Variants in HDAC9 observed in about 807,000 individuals in gnomAD.
HDAC9 encodes histone deacetylase 9.
Under a neutral mutation model 139.4 loss-of-function variants are expected in HDAC9, and 41 were observed. That is an observed-to-expected ratio of 0.29 (90% CI 0.23 to 0.38). The LOEUF (loss-of-function observed/expected upper bound fraction) is 0.38, where lower values mean the gene tolerates loss of function less well. HDAC9 is among the 10% of genes least tolerant of loss of function. The probability of loss-of-function intolerance (pLI) is 1.00; values close to 1 mark genes in which losing one functional copy is unlikely to be tolerated. For synonymous variants in HDAC9, 517 were observed against 476.2 expected, an observed-to-expected ratio of 1.09 and a Z score of -1.12; for missense variants, 1,147 against 1,297.0, an observed-to-expected ratio of 0.88 and a Z score of 1.78.
intron 2 of HDAC9, among the ~76,000 whole-genome samples, chr7:18,522,045 A>G (rs1805221280): frequency 6.6e-6 from 1 of 152,200 alleles, no homozygotes; most frequent in Non-Finnish European, 1.5e-5. Context: ...TAACAACTAC[A>G]TATATACAGA....
At chr7:18,781,861 T>G (rs1457162786) in intron 16 of HDAC9, among the ~76,000 whole-genome samples, 1 of 152,106 alleles carries the variant, frequency 6.6e-6, no homozygotes, top group African/African-American at 2.4e-5. Context: ...CAAATCAAGA[T>G]GCTGTTTGCA....
chr7:18,183,117 C>G (rs1448824774), intron 2 of HDAC9, among the ~76,000 whole-genome samples: 1 of 151,828 alleles, frequency 6.6e-6, no homozygotes, highest in Non-Finnish European at 1.5e-5. Flanking sequence ...TCACGCCATT[C>G]TCCTGCCTCA....
At chr7:18,560,023 T>C (rs753356763) in intron 2 of HDAC9, among the ~76,000 whole-genome samples, 92 of 152,200 alleles carry the variant, frequency 6.0e-4, no homozygotes, top group Non-Finnish European at 1.2e-3. Context: ...AAAGACTATA[T>C]AATGAAAAGT....
At chr7:18,333,633 C>T (rs1422428100) in intron 1 of HDAC9, among the ~76,000 whole-genome samples, 3 of 151,438 alleles carry the variant, frequency 2.0e-5, no homozygotes, top group African/African-American at 2.4e-5. Context: ...GCAGCCAAAG[C>T]TGTTCTCATG....
intron 1 of HDAC9, among the ~76,000 whole-genome samples, chr7:18,361,236 T>C (rs527643073): frequency 1.0e-3 from 154 of 152,264 alleles, no homozygotes; most frequent in African/African-American, 3.6e-3. Context: ...GGAGAAAAAC[T>C]GGGTTTTCTT....
At chr7:18,279,537 C>T (rs558261992) in intron 2 of HDAC9, among the ~76,000 whole-genome samples, 1 of 152,018 alleles carries the variant, frequency 6.6e-6, no homozygotes, top group Non-Finnish European at 1.5e-5. Context: ...GTGATCTCAG[C>T]TCACTGCAAC....
At chr7:18,512,016 G>T (rs1158203162) in intron 2 of HDAC9, among the ~76,000 whole-genome samples, 3 of 59,124 alleles carry the variant, frequency 5.1e-5, no homozygotes, top group African/African-American at 1.1e-4. Context: ...AATGAATTAA[G>T]CAAAAAAAAA....
chr7:18,930,283 C>A (rs1300071413), intron 22 of HDAC9, among the ~76,000 whole-genome samples: 1 of 152,090 alleles, frequency 6.6e-6, no homozygotes, highest in Admixed American at 6.6e-5. Context: ...ACACTCAACC[C>A]CGCTTGAGGA....
intron 1 of HDAC9, among the ~76,000 whole-genome samples, chr7:18,370,184 A>T (rs756998279): frequency 3.3e-5 from 5 of 152,250 alleles, no homozygotes; most frequent in Middle Eastern, 3.4e-3. Flanking sequence ...TTCCAGCCCC[A>T]ACTGGGTTAC....
intron 1 of HDAC9, among the ~76,000 whole-genome samples, chr7:18,329,139 C>A (rs1026448604): frequency 3.3e-5 from 5 of 151,664 alleles, no homozygotes; most frequent in Non-Finnish European, 2.9e-5. Context: ...TTTGTGGTAT[C>A]AGTTGTAACA....
chr7:18,719,703 T>C (rs2129122946), intron 12 of HDAC9, among the ~76,000 whole-genome samples: 1 of 152,276 alleles, frequency 6.6e-6, no homozygotes, highest in Admixed American at 6.5e-5. Context: ...GCAAAAAAAG[T>C]ACTCCTCTAT....
rs752744757 is a variant in HDAC9, at chr7:18,996,100, A to G, written c.*38A>G. 17 of 1,480,654 alleles carry G rather than the reference A, an allele frequency of 1.1e-5. No homozygotes were observed. The highest frequency in any genetic ancestry group is 1.6e-5 in the Non-Finnish European group (17 of 1,069,914). The allele number at this position is 1,480,654 out of a possible 1,614,324, so 91.7% of individuals were successfully genotyped here. A position where few individuals can be genotyped will look rare whatever the true frequency, so the allele number is the denominator to read the frequency against. ...CCCTCTGATATTTCCTGTGTGTGAC[A>G]TCATTGTGTATCCCCCCACCCCAGT... On this transcript the variant is annotated 3_prime_UTR_variant, in exon 26 of 26. Transcript: ENST00000686413.
intron 2 of HDAC9, chr7:18,509,371 C>T: frequency 2.0e-6 from 2 of 985,412 alleles, no homozygotes; most frequent in Non-Finnish European, 2.4e-6. Flanking sequence ...TTTTCTCTAG[C>T]CTCAAGAAGA....
rs1187057707 is a variant in HDAC9 at position 18,258,616 on chromosome 7, G to C, written c.25+96267G>C. On this transcript the variant is annotated intron_variant, in intron 2 of 12. Coordinates refer to the HDAC9 transcript ENST00000417496. ...ATTTCTATTCTCTAGATTTTATACA[G>C]AAGAAGAAACTAGCTCAGAGAAATA... 4.6e-5 allele frequency among the ~76,000 whole-genome samples: 7 copies of C among 152,302 alleles called. No homozygotes were observed. The East Asian group carries it at 1.4e-3, about 29-fold the overall frequency.
chr7:18,363,051 A>G (rs559423060), intron 1 of HDAC9, among the ~76,000 whole-genome samples: 5 of 152,254 alleles, frequency 3.3e-5, no homozygotes, highest in East Asian at 3.9e-4. Flanking sequence ...GCATTTTTGT[A>G]TTTTGGATTG....
intron 23 of HDAC9, among the ~76,000 whole-genome samples, chr7:18,941,197 C>T (rs1030901007): frequency 6.6e-6 from 1 of 151,368 alleles, no homozygotes; most frequent in African/African-American, 2.4e-5. Flanking sequence ...GCCTCCCTCC[C>T]GTTATTCTTC....
intron 22 of HDAC9, among the ~76,000 whole-genome samples, chr7:18,898,983 T>C (rs1393277502): frequency 6.6e-6 from 1 of 152,040 alleles, no homozygotes; most frequent in Non-Finnish European, 1.5e-5. Flanking sequence ...TTTCAAATTC[T>C]GTTACGCTTA....
chr7:18,986,537 T>C (rs1384015738), intron 25 of HDAC9, among the ~76,000 whole-genome samples: 2 of 130,228 alleles, frequency 1.5e-5, no homozygotes, highest in Non-Finnish European at 3.4e-5. Context: ...TGGCTTAGGA[T>C]TGACTTGGCA....
intron 14 of HDAC9, among the ~76,000 whole-genome samples, chr7:18,750,436 T>A (rs1788343894): frequency 1.3e-5 from 2 of 152,182 alleles, no homozygotes; most frequent in South Asian, 4.1e-4. Context: ...CAAGTTTTAT[T>A]ATATATTTAT....
Sources: allele counts gnomAD v4.1 joint callset (sites outside exome capture counted in the v4.1 genomes callset), GRCh38; gene constraint gnomAD v4.1.1; transcripts MANE v1.5; gene names NCBI Gene and HGNC (gene_info 2026-07-23, HGNC 2026-07-21).